Variants in CDH13 observed in about 807,000 individuals in gnomAD.
CDH13 encodes cadherin-13.
CDH13 carries 24 observed loss-of-function variants against 63.8 expected under a neutral mutation model. The ratio of observed to expected loss-of-function variants is 0.38; its 90% CI spans 0.27 to 0.53. The LOEUF (loss-of-function observed/expected upper bound fraction) is 0.53. Ranked by LOEUF, CDH13 falls within the 20% of genes least tolerant of loss-of-function variation. The pLI is 0.85. For missense variants in CDH13, 1,049 were observed against 903.1 expected (o/e 1.16, Z -2.07); for synonymous variants, 503 against 355.3 (o/e 1.42, Z -4.67).
chr16:82,951,906 A>C (rs1308686017), intron 2 of CDH13, among the ~76,000 whole-genome samples: 1 of 152,208 alleles, frequency 6.6e-6, no homozygotes, highest in Admixed American at 6.5e-5. Context: ...GATGAGCCCC[A>C]TAAACCACTG....
At chr16:82,661,266 A>G (rs1911912083) in intron 1 of CDH13, among the ~76,000 whole-genome samples, 1 of 152,244 alleles carries the variant, frequency 6.6e-6, no homozygotes. Flanking sequence ...TGTCCATTGA[A>G]ACAGATTAGC....
intron 1 of CDH13, among the ~76,000 whole-genome samples, chr16:82,822,743 C>G (rs2038062960): frequency 6.6e-6 from 1 of 152,338 alleles, no homozygotes; most frequent in Non-Finnish European, 1.5e-5. Context: ...CATCCTCCCA[C>G]CTTGGCCTCC....
In CDH13 at chr16:83,105,905, C is replaced by G. The variant is rs902893138; in HGVS notation, c.367-19480C>G. On this transcript the variant is annotated intron_variant, in intron 3 of 13. Coordinates refer to ENST00000567109, the MANE Select transcript of CDH13 (RefSeq NM_001257.5). ...GATGGTATCCCAGTTAGAGAAACGA[C>G]ACAATGAAGGCATGAAGTCATGAGA... is the stretch of plus-strand genomic sequence containing the variant. 5.9e-5 allele frequency among the ~76,000 whole-genome samples: 9 copies of G among 152,274 alleles called. No homozygotes were observed. The East Asian group carries it at 1.7e-3, about 29-fold the overall frequency.
chr16:83,121,841 G>C (rs190474220), intron 3 of CDH13, among the ~76,000 whole-genome samples: 2 of 152,044 alleles, frequency 1.3e-5, no homozygotes, highest in South Asian at 2.1e-4. Flanking sequence ...TTTTCACAAG[G>C]GTGCTATGAA....
chr16:82,851,843 A>G (rs2039501742), intron 1 of CDH13, among the ~76,000 whole-genome samples: 1 of 152,176 alleles, frequency 6.6e-6, no homozygotes, highest in Non-Finnish European at 1.5e-5. Context: ...ATATTTTTAC[A>G]TCCTGCAAGT....
chr16:83,253,033 C>T (rs1225021712), intron 5 of CDH13, among the ~76,000 whole-genome samples: 1 of 152,080 alleles, frequency 6.6e-6, no homozygotes, highest in East Asian at 1.9e-4. Context: ...GCGTGCCAAA[C>T]CCTTAGCACA....
intron 13 of CDH13, among the ~76,000 whole-genome samples, chr16:83,787,850 G>A (rs1915988554): frequency 1.3e-5 from 2 of 152,180 alleles, no homozygotes; most frequent in African/African-American, 4.8e-5. Flanking sequence ...GGCTGAGGCA[G>A]GAGAATCGCT....
intron 5 of CDH13, among the ~76,000 whole-genome samples, chr16:83,328,680 G>A (rs2090421482): frequency 6.6e-6 from 1 of 152,180 alleles, no homozygotes; most frequent in Admixed American, 6.5e-5. Flanking sequence ...TGAAGATATA[G>A]CTGATGGAAG....
chr16:83,018,818 C>T (rs770667882), intron 2 of CDH13, among the ~76,000 whole-genome samples: 3 of 152,166 alleles, frequency 2.0e-5, no homozygotes, highest in Non-Finnish European at 4.4e-5. Context: ...AATTGTAACA[C>T]AATGGCAAGT....
chr16:83,595,706 A>T (rs1833970), intron 7 of CDH13, among the ~76,000 whole-genome samples: 85,198 of 152,096 alleles, frequency 0.56, 24,927 homozygotes, highest in East Asian at 0.68. Flanking sequence ...CTCACGTTCC[A>T]CTGACCGCAA....
At chr16:82,900,955 A>G (rs1445104108) in intron 2 of CDH13, among the ~76,000 whole-genome samples, 1 of 152,230 alleles carries the variant, frequency 6.6e-6, no homozygotes, top group East Asian at 1.9e-4. Flanking sequence ...TCATGGATAA[A>G]GGAACTTCAT....
intron 7 of CDH13, among the ~76,000 whole-genome samples, chr16:83,522,768 C>G (rs566798767): frequency 7.2e-5 from 11 of 152,142 alleles, no homozygotes; most frequent in Non-Finnish European, 1.6e-4. Context: ...TGAATTCAGC[C>G]TTGGGGCTGT....
At chr16:83,008,588 A>G (rs1913790759) in intron 2 of CDH13, among the ~76,000 whole-genome samples, 1 of 152,168 alleles carries the variant, frequency 6.6e-6, no homozygotes, top group Non-Finnish European at 1.5e-5. Context: ...TCAGTAGACG[A>G]GTGACACAAA....
chr16:83,499,477 A>G (rs2074221123), intron 7 of CDH13, among the ~76,000 whole-genome samples: 1 of 152,248 alleles, frequency 6.6e-6, no homozygotes, highest in African/African-American at 2.4e-5. Flanking sequence ...GTGCTAGAGA[A>G]ACATCATTAG....
intron 2 of CDH13, among the ~76,000 whole-genome samples, chr16:83,027,101 G>GCCCCCCCCCCC (rs1386342125): frequency 1.1e-4 from 13 of 118,556 alleles, no homozygotes; most frequent in African/African-American, 1.4e-4. Flanking sequence ...ACAGAAGGGA[G>GCCCCCCCCCCC]ACCCCCCCCC....
chr16:82,934,012 C>T (rs767088220), intron 2 of CDH13, among the ~76,000 whole-genome samples: 2 of 152,186 alleles, frequency 1.3e-5, no homozygotes, highest in African/African-American at 2.4e-5. Flanking sequence ...ATGGATCTAC[C>T]ATCCTGGGGT....
intron 7 of CDH13, among the ~76,000 whole-genome samples, chr16:83,555,587 A>C (rs1321935138): frequency 6.6e-6 from 1 of 152,250 alleles, no homozygotes; most frequent in Non-Finnish European, 1.5e-5. Flanking sequence ...TCCAGATGTA[A>C]AGTTAAAACA....
intron 11 of CDH13, among the ~76,000 whole-genome samples, chr16:83,771,528 A>C (rs963604355): frequency 6.6e-6 from 1 of 152,238 alleles, no homozygotes; most frequent in Non-Finnish European, 1.5e-5. Context: ...TGCCAAGTCC[A>C]TGAAGCAAAA....
chr16:83,666,857 C>T lies in CDH13; in HGVS notation c.1102-3933C>T, dbSNP rs532855735. On this transcript the variant is annotated intron_variant, in intron 8 of 13. Transcript: ENST00000567109. ...CACATACACACACACACACAGACTCCCCAAGAACTGTAATTTTATTTCTTG... is the reference window on the plus strand; with the variant it reads ...CACATACACACACACACACAGACTCTCCAAGAACTGTAATTTTATTTCTTG... Among the ~76,000 whole-genome samples, 45 of 152,018 alleles carry T rather than the reference C, an allele frequency of 3.0e-4. No individual in the cohort carries two copies. In the South Asian group the frequency reaches 6.2e-3, roughly 21 times the overall value.
Sources: gnomAD v4.1 joint callset for allele counts (sites outside exome capture counted in the v4.1 genomes callset) on GRCh38, gnomAD v4.1.1 for gene constraint, MANE v1.5 for transcripts, NCBI Gene and HGNC (gene_info 2026-07-23, HGNC 2026-07-21) for gene names.